The following SFSWAP variants were observed in gnomAD, a reference collection of about 807,000 sequenced individuals.
SFSWAP encodes the protein splicing factor, suppressor of white-apricot homolog.
SFSWAP carries 17 observed loss-of-function variants against 100.7 expected under a neutral mutation model. The observed-to-expected ratio is 0.17, with a 90% confidence interval of 0.12 to 0.25. The LOEUF (loss-of-function observed/expected upper bound fraction) is 0.25. SFSWAP is among the 10% of genes least tolerant of loss of function. The pLI, the probability that SFSWAP is intolerant of heterozygous loss-of-function variation, is 1.00. For missense variants in SFSWAP, 1,005 were observed against 1,262.6 expected (o/e 0.80, Z 3.09); for synonymous variants, 504 against 510.1 (o/e 0.99, Z 0.16).
At chr12:131,764,721 G>A (rs766440151) in intron 12 of SFSWAP, 35 bp downstream of exon 12, 1 of 1,446,394 alleles carries the variant, frequency 6.9e-7, no homozygotes, top group Non-Finnish European at 9.6e-7. Flanking sequence ...TTGAAAGAAA[G>A]GAAATACACA....
intron 7 of SFSWAP, among the ~76,000 whole-genome samples, chr12:131,736,760 T>C (rs1457266750): frequency 6.6e-6 from 1 of 152,126 alleles, no homozygotes; most frequent in Non-Finnish European, 1.5e-5. Flanking sequence ...TGTTGGAATG[T>C]TATTTTGTAT....
At chr12:131,726,166 G>GTA (rs903868677) in intron 5 of SFSWAP, among the ~76,000 whole-genome samples, 8 of 145,002 alleles carry the variant, frequency 5.5e-5, no homozygotes, top group African/African-American at 1.5e-4. Context: ...TCATATATAT[G>GTA]TATATATATA....
At position 131,725,349 on chromosome 12, in the gene SFSWAP, G is replaced by T. The variant is rs574524984; in HGVS notation, c.607-56G>T. 2 of 1,379,416 alleles carry T rather than the reference G, an allele frequency of 1.4e-6. No individual in the cohort carries two copies. Among genetic ancestry groups the T allele is most frequent in the Non-Finnish European group, 2.1e-6 (2 of 967,056 alleles). 85.4% of individuals were successfully genotyped at this position (1,379,416 alleles called of 1,614,324 possible). On this transcript the variant is annotated intron_variant, in intron 4 of 17. Coordinates refer to ENST00000261674, the MANE Select transcript of SFSWAP (RefSeq NM_004592.4). The surrounding 1 kb of genome is among the most constrained non-coding windows in gnomAD (Gnocchi z 4.3). ...CATTTCTATGTTTTAATGAAATCAC[G>T]TGGCCGGTGGACAAGAGGACAAATG...
intron 14 of SFSWAP, among the ~76,000 whole-genome samples, chr12:131,781,234 ATTTTTTTTTT>A: frequency 9.8e-6 from 1 of 102,304 alleles, no homozygotes; most frequent in African/African-American, 3.5e-5. Flanking sequence ...ATATCTTATT[ATTTTTTTTTT>A]TTTTTTTTTT....
rs150367768 is a variant in SFSWAP at position 131,725,548 on chromosome 12, C to T, written c.750C>T (p.Asn250=). The T allele has an allele frequency of 1.1e-5, 18 of 1,614,056 alleles. No individual in the cohort carries two copies. The African/African-American group carries it at 1.7e-4, about 16-fold the overall frequency. ...FDFLRFDHYL[N]PYYKFIQKAM... The stretch of plus-strand genomic sequence containing the variant: ...TTCTGCGCTTCGACCACTACCTCAA[C>T]CCCTACTATAAGTTCATCCAGAAAG... Residue 250 remains asparagine, a synonymous_variant, in exon 5 of 18, where the codon AAC becomes AAT. Coordinates refer to ENST00000261674, the MANE Select transcript of SFSWAP (RefSeq NM_004592.4). This position sits in a 1 kb window ranked among gnomAD's most constrained non-coding sequence, Gnocchi z 4.3.
At chr12:131,761,059 G>A (rs575361160) in intron 11 of SFSWAP, among the ~76,000 whole-genome samples, 9 of 152,292 alleles carry the variant, frequency 5.9e-5, no homozygotes, top group South Asian at 2.1e-4. Flanking sequence ...GCGAAAGAGC[G>A]AAACTCCGTC....
rs117037366 is a variant in SFSWAP at position 131,752,701 on chromosome 12, G to A, written c.1082-422G>A. 2.0e-3 allele frequency among the ~76,000 whole-genome samples: 299 copies of A among 152,342 alleles called. 1 individual carries two copies. Among genetic ancestry groups the A allele is most frequent in the Non-Finnish European group, 3.0e-3 (207 of 68,030 alleles). Reference sequence around the variant, plus strand: ...GAATGAAAGCAGGTGTCAGCGCGGGGAGCTAGCCAAAGGCATTTCCTCACA... The same window carrying A: ...GAATGAAAGCAGGTGTCAGCGCGGGAAGCTAGCCAAAGGCATTTCCTCACA... On this transcript the variant is annotated intron_variant, in intron 7 of 17. Transcript: ENST00000261674.
Position 131,795,885 on chromosome 12 carries a change from C to A in SFSWAP, c.2535-1293C>A, listed in dbSNP as rs140175097. On this transcript the variant is annotated intron_variant, in intron 15 of 17. Coordinates refer to ENST00000261674, the MANE Select transcript of SFSWAP (RefSeq NM_004592.4). ...CGAGCGTGAGGCTGAGCCAGGGAGT[C>A]CCCCTGGCAGCTTCTGCAGCAGAGG... Among the ~76,000 whole-genome samples, 555 of 149,804 alleles carry A rather than the reference C, an allele frequency of 3.7e-3. 2 individuals are homozygous for A. Among genetic ancestry groups the A allele is most frequent in the Non-Finnish European group, 4.0e-3 (268 of 67,412 alleles).
At chr12:131,722,740 G>GGT (rs1249961632) in intron 4 of SFSWAP, among the ~76,000 whole-genome samples, 4 of 151,998 alleles carry the variant, frequency 2.6e-5, no homozygotes, top group African/African-American at 9.7e-5. Context: ...TTGAGCCCAG[G>GGT]AGTTCAAGAC....
At position 131,786,718 on chromosome 12, in the gene SFSWAP, A is replaced by AC. The variant is rs950680991; in HGVS notation, c.2534+137dup. The AC allele has an allele frequency of 8.8e-5, 76 of 866,640 alleles. 3 individuals carry two copies. Among genetic ancestry groups the AC allele is most frequent in the African/African-American group, 7.0e-4 (41 of 58,470 alleles). The allele number at this position is 866,640 out of a possible 1,614,324, so 53.7% of individuals were successfully genotyped here. On this transcript the variant is annotated intron_variant, in intron 15 of 17. Transcript: ENST00000261674. ...AGAGGGAGGTGCTGAGTCCCCCACC[A>AC]CCCCCCCACCCCCAGTGGCATGGCC...
intron 14 of SFSWAP, among the ~76,000 whole-genome samples, chr12:131,779,448 A>G (rs992906182): frequency 6.6e-6 from 1 of 152,202 alleles, no homozygotes; most frequent in Non-Finnish European, 1.5e-5. Context: ...AAAACATTTA[A>G]GAGTCACAGA....
At chr12:131,773,957 C>T (rs1883812399) in intron 13 of SFSWAP, among the ~76,000 whole-genome samples, 1 of 152,180 alleles carries the variant, frequency 6.6e-6, no homozygotes, top group Non-Finnish European at 1.5e-5. Context: ...GGGCCAAAGA[C>T]CCACAAGTGG....
In SFSWAP at chr12:131,728,456, C is replaced by G. The variant is rs1052827860; in HGVS notation, c.1081+28C>G. The G allele has an allele frequency of 3.7e-6, 6 of 1,600,916 alleles. No individual in the cohort carries two copies. The Admixed American group carries it at 6.7e-5, about 18-fold the overall frequency. ...GAGTACTCACTGTGTATGTCCTGAC[C>G]TGTGTTCAGCTGCCTGTGACAGAGC... On this transcript the variant is annotated intron_variant, in intron 7 of 17. Transcript: ENST00000261674.
intron 8 of SFSWAP, chr12:131,753,607 G>A (rs1198048550): frequency 1.7e-5 from 9 of 539,556 alleles, no homozygotes; most frequent in East Asian, 1.5e-4. Context: ...CACGTCGCAC[G>A]CTGGCCCCAG....
chr12:131,744,460 G>A (rs1027145973), intron 7 of SFSWAP, among the ~76,000 whole-genome samples: 1 of 152,154 alleles, frequency 6.6e-6, no homozygotes, highest in Non-Finnish European at 1.5e-5. Context: ...AACATAAGAA[G>A]TCACCTTTGC....
chr12:131,746,693 T>G (rs1021951925), intron 7 of SFSWAP, among the ~76,000 whole-genome samples: 1 of 152,198 alleles, frequency 6.6e-6, no homozygotes, highest in African/African-American at 2.4e-5. Flanking sequence ...ATGCCTTAAT[T>G]TTGCCTTCCC....
At chr12:131,743,446 A>G (rs11246789) in intron 7 of SFSWAP, among the ~76,000 whole-genome samples, 22,275 of 152,260 alleles carry the variant, frequency 0.15, 2,238 homozygotes, top group East Asian at 0.52. Context: ...TACAAGTCCA[A>G]AATCTAGCAA....
chr12:131,798,815 G>A (rs1166189415), intron 16 of SFSWAP, among the ~76,000 whole-genome samples: 1 of 152,084 alleles, frequency 6.6e-6, no homozygotes, highest in African/African-American at 2.4e-5. Flanking sequence ...GCTTGAATCT[G>A]GGAGGCAGAA....
rs751747259 is a variant in SFSWAP at position 131,753,200 on chromosome 12, A to G, written c.1159A>G (p.Ile387Val). Reference sequence around the variant, plus strand: ...CTGCCTGGCGCCGCCCCCTCCCGGAATCGACGTGACTACTTACTACAGCAC... The same window carrying G: ...CTGCCTGGCGCCGCCCCCTCCCGGAGTCGACGTGACTACTTACTACAGCAC... ...TYCLAPPPPG[I>V]DVTTYYSTLP... Residue 387 changes from isoleucine (I) to valine (V), a missense_variant, in exon 8 of 18, where the codon ATC becomes GTC. By Grantham distance (29) the Ile-to-Val change is conservative. Around this residue, in one of 7 missense-constraint regions of SFSWAP, gnomAD observed 311 missense variants for 317.8 expected, o/e 0.98. Transcript: ENST00000261674. 1.2e-6 allele frequency: 2 copies of G among 1,614,156 alleles called. No individual in the cohort carries two copies. The highest frequency in any genetic ancestry group is 1.1e-5 in the South Asian group (1 of 91,090).
Sources: gnomAD v4.1 joint callset for allele counts (sites outside exome capture counted in the v4.1 genomes callset) on GRCh38, gnomAD v4.1.1 for gene constraint, gnomAD v4.1.1 regional missense constraint, Gnocchi (gnomAD v3.1) non-coding constraint, MANE v1.5 for transcripts, NCBI Gene and HGNC (gene_info 2026-07-23, HGNC 2026-07-21) for gene names.